MIR2052HG: variants seen among roughly 807,000 people sequenced by gnomAD.
The protein encoded by MIR2052HG is MIR2052 host gene.
intron 2 of MIR2052HG, among the ~76,000 whole-genome samples, chr8:74,624,423 GA>G (rs1362998434): frequency 6.6e-6 from 1 of 152,196 alleles, no homozygotes; most frequent in African/African-American, 2.4e-5. Context: ...AATTTTTGTG[GA>G]ACCTGTCTGT....
chr8:74,656,025 C>A (rs1049355381), intron 2 of MIR2052HG, among the ~76,000 whole-genome samples: 1 of 152,138 alleles, frequency 6.6e-6, no homozygotes, highest in Non-Finnish European at 1.5e-5. Context: ...GACTACCCCA[C>A]TGGATTTTGA....
chr8:74,604,874 G>T (rs948787286), intron 1 of MIR2052HG, among the ~76,000 whole-genome samples: 3 of 152,036 alleles, frequency 2.0e-5, no homozygotes, highest in Non-Finnish European at 4.4e-5. Flanking sequence ...GATTACAGGC[G>T]TGAGCCACCG....
At position 74,684,003 on chromosome 8, in the gene MIR2052HG, T is replaced by C. The variant is rs547095184; in HGVS notation, n.217-18376T>C. On this transcript the variant is annotated intron_variant and non_coding_transcript_variant, in intron 2 of 6. Transcript: ENST00000523442. The stretch of plus-strand genomic sequence containing the variant: ...GCAGGCCTTCATTTCTCTTGCTTTG[T>C]CTGGCACCAGAAAATCAGTTATTCC... 4.6e-5 allele frequency among the ~76,000 whole-genome samples: 7 copies of C among 152,228 alleles called. No individual in the cohort carries two copies. The South Asian group carries it at 1.4e-3, about 32-fold the overall frequency.
At chr8:74,677,994 T>G (rs2128738747) in intron 2 of MIR2052HG, among the ~76,000 whole-genome samples, 1 of 152,262 alleles carries the variant, frequency 6.6e-6, no homozygotes, top group African/African-American at 2.4e-5. Context: ...ATAGATTTTT[T>G]TCCAGGCAAA....
At chr8:74,622,597 C>T (rs1340450180) in intron 2 of MIR2052HG, among the ~76,000 whole-genome samples, 2 of 151,558 alleles carry the variant, frequency 1.3e-5, no homozygotes, top group Non-Finnish European at 2.9e-5. Flanking sequence ...GAGTGAGACC[C>T]TGTCTCAAAA....
chr8:74,692,030 T>C (rs1009801691), intron 2 of MIR2052HG, among the ~76,000 whole-genome samples: 1 of 152,224 alleles, frequency 6.6e-6, no homozygotes, highest in Non-Finnish European at 1.5e-5. Flanking sequence ...AGGACCACCA[T>C]TGAGCCATGA....
intron 2 of MIR2052HG, among the ~76,000 whole-genome samples, chr8:74,631,879 T>C (rs888600822): frequency 6.6e-6 from 1 of 152,132 alleles, no homozygotes; most frequent in Non-Finnish European, 1.5e-5. Flanking sequence ...AGGACAAACA[T>C]GCTCCCTTCA....
intron 2 of MIR2052HG, among the ~76,000 whole-genome samples, chr8:74,668,173 A>C (rs189871141): frequency 6.6e-6 from 1 of 151,890 alleles, no homozygotes; most frequent in Non-Finnish European, 1.5e-5. Context: ...GGCTACTGAC[A>C]CATTGCTTTT....
At chr8:74,740,726 C>G (rs1472918125) in intron 4 of MIR2052HG, among the ~76,000 whole-genome samples, 2 of 152,058 alleles carry the variant, frequency 1.3e-5, no homozygotes, top group East Asian at 3.9e-4. Flanking sequence ...TACCAGATGC[C>G]AAGTTGAATA....
intron 4 of MIR2052HG, among the ~76,000 whole-genome samples, chr8:74,722,900 A>G (rs1233165999): frequency 6.6e-6 from 1 of 152,218 alleles, no homozygotes; most frequent in Non-Finnish European, 1.5e-5. Context: ...AACTCTGGCC[A>G]ACTGACCACG....
At chr8:74,628,355 GA>G (rs1463079504) in intron 2 of MIR2052HG, among the ~76,000 whole-genome samples, 1 of 152,122 alleles carries the variant, frequency 6.6e-6, no homozygotes, top group Non-Finnish European at 1.5e-5. Context: ...ATGAGAGGAA[GA>G]AAAAAATGTG....
chr8:74,647,766 A>G (rs1013027154), intron 2 of MIR2052HG, among the ~76,000 whole-genome samples: 1 of 152,226 alleles, frequency 6.6e-6, no homozygotes, highest in Non-Finnish European at 1.5e-5. Flanking sequence ...GACATTTATC[A>G]GTTCCCAAAA....
intron 2 of MIR2052HG, among the ~76,000 whole-genome samples, chr8:74,617,964 A>G (rs1808308602): frequency 6.6e-6 from 1 of 152,164 alleles, no homozygotes; most frequent in South Asian, 2.1e-4. Context: ...AGTGATGGAT[A>G]CAATTCTTGA....
At chr8:74,719,785 A>G (rs1275603068) in intron 4 of MIR2052HG, among the ~76,000 whole-genome samples, 5 of 150,520 alleles carry the variant, frequency 3.3e-5, no homozygotes, top group Non-Finnish European at 7.4e-5. Context: ...AAACTTCACA[A>G]TGCAGTCAGA....
At chr8:74,713,736 C>T (rs1809493425) in intron 4 of MIR2052HG, among the ~76,000 whole-genome samples, 2 of 151,958 alleles carry the variant, frequency 1.3e-5, no homozygotes, top group Non-Finnish European at 2.9e-5. Flanking sequence ...ATAACGTTAC[C>T]TATCTAAATT....
chr8:74,652,246 T>C (rs989355769), intron 2 of MIR2052HG, among the ~76,000 whole-genome samples: 1 of 152,244 alleles, frequency 6.6e-6, no homozygotes, highest in Non-Finnish European at 1.5e-5. Flanking sequence ...CACTGCCTTT[T>C]GCACTGTTAG....
chr8:74,640,467 C>CAAAA (rs35779504), intron 2 of MIR2052HG, among the ~76,000 whole-genome samples: 5 of 83,560 alleles, frequency 6.0e-5, no homozygotes, highest in Non-Finnish European at 1.1e-4. Context: ...GACTCCGTCT[C>CAAAA]AAAAAAAAAA....
At chr8:74,748,365 A>G (rs1809908727) in intron 4 of MIR2052HG, among the ~76,000 whole-genome samples, 2 of 152,212 alleles carry the variant, frequency 1.3e-5, no homozygotes, top group African/African-American at 4.8e-5. Context: ...GTTGAATACA[A>G]TGAAAGACAG....
chr8:74,662,994 T>C (rs1808882898), intron 2 of MIR2052HG, among the ~76,000 whole-genome samples: 1 of 152,082 alleles, frequency 6.6e-6, no homozygotes, highest in South Asian at 2.1e-4. Context: ...TAATCCCCAA[T>C]GTGATAACCA....
Sources: allele counts gnomAD v4.1 joint callset (sites outside exome capture counted in the v4.1 genomes callset), GRCh38; gene constraint gnomAD v4.1.1; transcripts MANE v1.5; gene names NCBI Gene and HGNC (gene_info 2026-07-23, HGNC 2026-07-21).